Variants in C3orf62 observed in about 807,000 individuals in gnomAD.
The protein encoded by C3orf62 is uncharacterized protein C3orf62.
A neutral mutation model predicts 21.7 loss-of-function variants in C3orf62; 16 were observed. The ratio of observed to expected loss-of-function variants is 0.74; its 90% CI spans 0.50 to 1.12. The LOEUF (loss-of-function observed/expected upper bound fraction) is 1.12, where lower values mean the gene tolerates loss of function less well. C3orf62 is among the 50% of genes most tolerant of loss of function. The pLI is 0.00. For missense variants in C3orf62, 310 were observed against 318.8 expected (o/e 0.97, Z 0.21); for synonymous variants, 114 against 117.0 (o/e 0.97, Z 0.17).
rs1389073346 is a variant in C3orf62 at position 49,269,725 on chromosome 3, G to C, written c.*1455C>G. The C allele has an allele frequency of 6.6e-6, 1 of 152,298 alleles. No homozygotes were observed. The highest frequency in any genetic ancestry group is 1.5e-5 in the Non-Finnish European group (1 of 68,094). The allele number at this position is 152,298 out of a possible 1,614,324, so 9.4% of individuals were successfully genotyped here. On this transcript the variant is annotated 3_prime_UTR_variant, in exon 3 of 3. Transcript: ENST00000343010. ...TGGCCACAACTGGTTGGGAACCAGGGCACGCCCACTGGGGAGGCACATGCA... is the reference window on the plus strand; with the variant it reads ...TGGCCACAACTGGTTGGGAACCAGGCCACGCCCACTGGGGAGGCACATGCA...
Position 49,276,856 on chromosome 3 carries a change from G to A in C3orf62, c.17C>T (p.Thr6Ile), listed in dbSNP as rs1233247261. 1 of 1,611,926 alleles carries A rather than the reference G, an allele frequency of 6.2e-7. No individual in the cohort carries two copies. Among genetic ancestry groups the A allele is most frequent in the African/African-American group, 1.3e-5 (1 of 74,792 alleles). Residue 6 changes from threonine (T) to isoleucine (I), a missense_variant, in exon 1 of 3, where the codon ACA (threonine) becomes ATA (isoleucine). Thr to Ile is a moderately conservative substitution (Grantham distance 89, BLOSUM62 -1). Coordinates refer to ENST00000343010, the MANE Select transcript of C3orf62 (RefSeq NM_198562.3). Reference protein sequence around the residue: MHYIKTWSLLGEMSEK... With the variant: MHYIKIWSLLGEMSEK... ...AGACATTTCTCCTAAAAGCGACCAT[G>A]TCTTTATGTAATGCATTGGAAATGC...
chr3:49,271,910 CAA>C (rs10706165), intron 2 of C3orf62, among the ~76,000 whole-genome samples: 68 of 106,934 alleles, frequency 6.4e-4, no homozygotes, highest in African/African-American at 1.9e-3. Context: ...GGCCCTGTCT[CAA>C]AAAAAAAAAA....
At position 49,270,185 on chromosome 3, in the gene C3orf62, T is replaced by C. The variant is rs1489187144; in HGVS notation, c.*995A>G. The C allele has an allele frequency of 1.3e-5, 2 of 152,204 alleles. No individual in the cohort carries two copies. The highest frequency in any genetic ancestry group is 4.8e-5 in the African/African-American group (2 of 41,446). 9.4% of individuals were successfully genotyped at this position (152,204 alleles called of 1,614,324 possible). A position where few individuals can be genotyped will look rare whatever the true frequency, so the allele number is the denominator to read the frequency against. ...AATTGACTACTCACAGTTACAGATC[T>C]AACTCCTTGTTCCACTCCTTCCCCA... On this transcript the variant is annotated 3_prime_UTR_variant, in exon 3 of 3. Transcript: ENST00000343010.
chr3:49,274,143 GC>G lies in C3orf62; in HGVS notation c.447-4del. Reference sequence around the variant, plus strand: ...TCAAATCTCTCTCCATATCTTTCCTGCAGCCCCCAGGTGGGGGGGAAGAAAA... The same window carrying G: ...TCAAATCTCTCTCCATATCTTTCCTGAGCCCCCAGGTGGGGGGGAAGAAAA... On this transcript the variant is annotated splice_polypyrimidine_tract_variant and splice_region_variant and intron_variant, in intron 1 of 2. Coordinates refer to ENST00000343010, the MANE Select transcript of C3orf62 (RefSeq NM_198562.3). 1.2e-6 allele frequency: 2 copies of G among 1,611,244 alleles called. No homozygotes were observed. Among genetic ancestry groups the G allele is most frequent in the Non-Finnish European group, 1.7e-6 (2 of 1,177,474 alleles).
At position 49,271,049 on chromosome 3, in the gene C3orf62, A is replaced by T; in HGVS notation, c.*131T>A. ...TTAAAAAGGGACACAACTGGGATTT[A>T]AAAAGGGTCTGGTAATTCAGGTTCT... On this transcript the variant is annotated 3_prime_UTR_variant, in exon 3 of 3. Coordinates refer to ENST00000343010, the MANE Select transcript of C3orf62 (RefSeq NM_198562.3). 1 of 875,160 alleles carries T rather than the reference A, an allele frequency of 1.1e-6. No homozygotes were observed. Among genetic ancestry groups the T allele is most frequent in the Non-Finnish European group, 1.8e-6 (1 of 566,886 alleles). The allele number at this position is 875,160 out of a possible 1,614,324, so 54.2% of individuals were successfully genotyped here. A position where few individuals can be genotyped will look rare whatever the true frequency, so the allele number is the denominator to read the frequency against.
rs1046156876 is a variant in C3orf62, at chr3:49,277,152, T to C, written c.-280A>G. The C allele has an allele frequency of 7.0e-7, 1 of 1,427,938 alleles. No homozygotes were observed. 88.5% of individuals were successfully genotyped at this position (1,427,938 alleles called of 1,614,324 possible). A position where few individuals can be genotyped will look rare whatever the true frequency, so the allele number is the denominator to read the frequency against. ...CCGCTGGCCCTACCGGCACCCCCCC[T>C]TTGGCGAGTCGGCAGCCACGTCCTT... On this transcript the variant is annotated 5_prime_UTR_variant, in exon 1 of 3. Coordinates refer to ENST00000343010, the MANE Select transcript of C3orf62 (RefSeq NM_198562.3).
rs577250090 is a variant in C3orf62 at position 49,270,612 on chromosome 3, C to T, written c.*568G>A. On this transcript the variant is annotated 3_prime_UTR_variant, in exon 3 of 3. Coordinates refer to ENST00000343010, the MANE Select transcript of C3orf62 (RefSeq NM_198562.3). Reference sequence around the variant, plus strand: ...CATCTCGGCTCATTGCAACCTCCGCCTCCAGGTTCAAGCAATTCTCCTACC... The same window carrying T: ...CATCTCGGCTCATTGCAACCTCCGCTTCCAGGTTCAAGCAATTCTCCTACC... The T allele has an allele frequency of 3.3e-5, 5 of 152,726 alleles. No homozygotes were observed. The highest frequency in any genetic ancestry group is 1.2e-4 in the African/African-American group (5 of 41,554). 9.5% of individuals were successfully genotyped at this position (152,726 alleles called of 1,614,324 possible). A position where few individuals can be genotyped will look rare whatever the true frequency, so the allele number is the denominator to read the frequency against.
At position 49,276,589 on chromosome 3, in the gene C3orf62, GT is replaced by G; in HGVS notation, c.283del (p.Thr95GlnfsTer6). On this transcript the variant is annotated frameshift_variant, in exon 1 of 3. Transcript: ENST00000343010. LOFTEE classifies it high-confidence loss of function. ...APENENPAFA[T>X]NHAPVNAKPH... The stretch of plus-strand genomic sequence containing the variant: ...TTTTGCATTTACCGGGGCATGGTTT[GT>G]TGCAAAGGCAGGGTTCTCATTCTCA... The G allele has an allele frequency of 6.2e-7, 1 of 1,614,238 alleles. No homozygotes were observed. Among genetic ancestry groups the G allele is most frequent in the Non-Finnish European group, 8.5e-7 (1 of 1,180,050 alleles).
At chr3:49,273,058 A>AG (rs1281845052) in intron 2 of C3orf62, among the ~76,000 whole-genome samples, 1 of 152,184 alleles carries the variant, frequency 6.6e-6, no homozygotes, top group East Asian at 1.9e-4. Flanking sequence ...GTATGAGGGA[A>AG]GGGACAGGTT....
intron 1 of C3orf62, 84 bp from the exon 2 acceptor site, chr3:49,274,224 A>AT (rs774190619): frequency 9.2e-7 from 1 of 1,083,172 alleles, no homozygotes; most frequent in East Asian, 2.4e-5. Flanking sequence ...TCAGTTTTAG[A>AT]TAATCTCAAA....
At position 49,276,531 on chromosome 3, in the gene C3orf62, T is replaced by TCC; in HGVS notation, c.341_342insGG (p.Thr115GlufsTer8). The TCC allele has an allele frequency of 1.9e-6, 3 of 1,614,244 alleles. No individual in the cohort carries two copies. Among genetic ancestry groups the TCC allele is most frequent in the Non-Finnish European group, 2.5e-6 (3 of 1,180,048 alleles). On this transcript the variant is annotated frameshift_variant, in exon 1 of 3. Transcript: ENST00000343010. LOFTEE classifies it high-confidence loss of function. ...GCATCAATACATTTTCCTTGCTGGT[T>TCC]AGAGGTTTTCTCTCGGGGCACAGAG...
rs770044127 is a variant in C3orf62 at position 49,276,687 on chromosome 3, C to T, written c.186G>A (p.Arg62=). The change falls in exon 1 of 3, where the codon AGG becomes AGA. Residue 62 remains arginine, a synonymous_variant. Transcript: ENST00000343010. The part of the protein sequence containing the change: ...APLSFSLPVH[R]LLCRRHPLAA... ...CCAGAGGATGTCTTCTGCAGAGGAG[C>T]CTGTGCACGGGCAGCGAGAAGGAGA... The T allele has an allele frequency of 6.2e-7, 1 of 1,614,180 alleles. No individual in the cohort carries two copies. Among genetic ancestry groups the T allele is most frequent in the Admixed American group, 1.7e-5 (1 of 60,024 alleles).
Position 49,277,069 on chromosome 3 carries a change from T to G in C3orf62, c.-197A>C. The G allele has an allele frequency of 4.8e-6, 7 of 1,472,136 alleles. No homozygotes were observed. The highest frequency in any genetic ancestry group is 6.3e-6 in the Non-Finnish European group (7 of 1,110,834). The allele number at this position is 1,472,136 out of a possible 1,614,324, so 91.2% of individuals were successfully genotyped here. On this transcript the variant is annotated 5_prime_UTR_variant, in exon 1 of 3. Transcript: ENST00000343010. ...AAGCCCCAAAGACGCCCCGCCCCAC[T>G]TCCCACAGCTTCCTGGCCCGCCCCG...
chr3:49,276,142 T>C (rs946265833), intron 1 of C3orf62, among the ~76,000 whole-genome samples: 38 of 152,314 alleles, frequency 2.5e-4, no homozygotes, highest in African/African-American at 9.1e-4. Flanking sequence ...TAAAACCCGG[T>C]TATTTTACAT....
At position 49,272,534 on chromosome 3, in the gene C3orf62, C is replaced by CTTTTTT. The variant is rs746086446; in HGVS notation, c.539-1095_539-1090dup. On this transcript the variant is annotated intron_variant, in intron 2 of 2. Coordinates refer to ENST00000343010, the MANE Select transcript of C3orf62 (RefSeq NM_198562.3). The stretch of plus-strand genomic sequence containing the variant: ...TTTGACTTCTAATTTTTCTCCTAAT[C>CTTTTTT]TTTTTTTTTTTTTTTTTTTTTTTTT... 6.9e-4 allele frequency among the ~76,000 whole-genome samples: 36 copies of CTTTTTT among 51,842 alleles called. 5 individuals are homozygous for CTTTTTT. Among genetic ancestry groups the CTTTTTT allele is most frequent in the African/African-American group, 1.7e-3 (20 of 11,718 alleles). 34.0% of individuals were successfully genotyped at this position (51,842 alleles called of 152,430 possible). A position where few individuals can be genotyped will look rare whatever the true frequency, so the allele number is the denominator to read the frequency against.
At chr3:49,275,519 GTT>G (rs59375945) in intron 1 of C3orf62, among the ~76,000 whole-genome samples, 7 of 69,292 alleles carry the variant, frequency 1.0e-4, no homozygotes, top group South Asian at 7.4e-4. Context: ...GAACTTTGAA[GTT>G]TTTTTTTTTT....
At position 49,276,449 on chromosome 3, in the gene C3orf62, T is replaced by G; in HGVS notation, c.424A>C (p.Asn142His). Residue 142 changes from asparagine to histidine, a missense_variant, in exon 1 of 3, where the codon AAC (asparagine) becomes CAC (histidine). Physicochemically the swap from Asn to His is moderately conservative, Grantham distance 68 (BLOSUM62 1). Coordinates refer to ENST00000343010, the MANE Select transcript of C3orf62 (RefSeq NM_198562.3). Reference protein sequence around the residue: ...ESWRTAGEGENWRKENLRKDM... With the variant: ...ESWRTAGEGEHWRKENLRKDM... The stretch of plus-strand genomic sequence containing the variant: ...CACCTTAAATTTTCTTTTCTCCAGT[T>G]TTCCCCCTCTCCTGCAGTTCTCCAA... 6.2e-7 allele frequency: 1 copy of G among 1,608,964 alleles called. No individual in the cohort carries two copies. The highest frequency in any genetic ancestry group is 8.5e-7 in the Non-Finnish European group (1 of 1,175,910).
chr3:49,275,218 A>G (rs1417585967), intron 1 of C3orf62, among the ~76,000 whole-genome samples: 2 of 151,504 alleles, frequency 1.3e-5, no homozygotes, highest in African/African-American at 2.4e-5. Flanking sequence ...GATTCAAGCA[A>G]TTCTCCTGCC....
Position 49,271,306 on chromosome 3 carries a change from C to T in C3orf62, c.678G>A (p.Gln226=), listed in dbSNP as rs2046910371. ...TGCCAGGGTCAGCATCTGTGGCCTT[C>T]TGAGGGCTCTTGTCCATGAGCAGGG... The part of the protein sequence containing the change: ...AWALLMDKSP[Q]KATDADPGSL... Residue 226 remains glutamine, a synonymous_variant, in exon 3 of 3, where the codon CAG becomes CAA. Coordinates refer to ENST00000343010, the MANE Select transcript of C3orf62 (RefSeq NM_198562.3). 6.2e-6 allele frequency: 10 copies of T among 1,614,202 alleles called. No individual in the cohort carries two copies. The highest frequency in any genetic ancestry group is 8.5e-6 in the Non-Finnish European group (10 of 1,180,034).
Sources: gnomAD v4.1 joint callset for allele counts (sites outside exome capture counted in the v4.1 genomes callset) on GRCh38, gnomAD v4.1.1 for gene constraint, MANE v1.5 for transcripts, NCBI Gene and HGNC (gene_info 2026-07-23, HGNC 2026-07-21) for gene names.